CFAP298: variants seen among roughly 807,000 people sequenced by gnomAD.
The protein encoded by CFAP298 is cilia- and flagella-associated protein 298.
A neutral mutation model predicts 41.0 loss-of-function variants in CFAP298; 38 were observed. The ratio of observed to expected loss-of-function variants is 0.93; its 90% CI spans 0.72 to 1.22. The LOEUF is 1.22. Ranked by LOEUF, CFAP298 falls within the 50% of genes most tolerant of loss-of-function variation. The pLI is 0.00. For synonymous variants in CFAP298, 137 were observed against 135.3 expected (o/e 1.01, Z -0.09); for missense variants, 348 against 360.3 (o/e 0.97, Z 0.28).
In CFAP298 at chr21:32,602,356, TC is replaced by T; in HGVS notation, c.677del (p.Gly226GlufsTer17). 6.2e-7 allele frequency: 1 copy of T among 1,613,266 alleles called. No individual in the cohort carries two copies. The highest frequency in any genetic ancestry group is 8.5e-7 in the Non-Finnish European group (1 of 1,179,976). ...TAATAATAGGCTCTCGGGCTGGAGC[TC>T]CCTGTCCCCTCTGCAAAGAGGAGAG... is the stretch of plus-strand genomic sequence containing the variant. ...IIAKIQQRGQ[G>X]APAREPIISS... On this transcript the variant is annotated frameshift_variant, in exon 6 of 7. Transcript: ENST00000290155. LOFTEE classifies it high-confidence loss of function.
intron 5 of CFAP298, 140 bp from the exon 6 acceptor site, chr21:32,602,507 A>C: frequency 6.9e-7 from 1 of 1,445,148 alleles, no homozygotes; most frequent in Non-Finnish European, 9.1e-7. Flanking sequence ...ACCCGAAGTG[A>C]AGCATCAAGG....
chr21:32,600,634 T>TA lies in CFAP298; in HGVS notation c.*1228dup, dbSNP rs2038719819. ...TGCTAAAGTGCCAGGGTTTGCAGGATACTTGGATGGTTTACAGTGATGATG... is the reference window on the plus strand; with the variant it reads ...TGCTAAAGTGCCAGGGTTTGCAGGATAACTTGGATGGTTTACAGTGATGATG... On this transcript the variant is annotated 3_prime_UTR_variant, in exon 7 of 7. Coordinates refer to ENST00000290155, the MANE Select transcript of CFAP298 (RefSeq NM_021254.4). Among the ~76,000 whole-genome samples the TA allele has an allele frequency of 6.6e-6, 1 of 152,198 alleles. No individual in the cohort carries two copies. Among genetic ancestry groups the TA allele is most frequent in the Admixed American group, 6.5e-5 (1 of 15,282 alleles).
intron 2 of CFAP298, 21 bp from the exon 3 acceptor site, chr21:32,607,737 G>A: frequency 1.5e-5 from 21 of 1,436,268 alleles, no homozygotes; most frequent in Non-Finnish European, 2.0e-5. Context: ...AAAAAGGAGA[G>A]AGGGAGAAAG....
Position 32,610,003 on chromosome 21 carries a change from T to C in CFAP298, c.142A>G (p.Met48Val), listed in dbSNP as rs755093345. ...ATGCCATGTTCGGCTAATTCTTCCA[T>C]TTCTTAAAAATAAGTGAAAGACAGT... is the stretch of plus-strand genomic sequence containing the variant. ...RLKVQRLCSE[M>V]EELAEHGIFL... The change falls in exon 2 of 7, where the codon ATG (methionine) becomes GTG (valine). Residue 48 changes from methionine to valine, a missense_variant and splice_region_variant. Physicochemically the swap from Met to Val is conservative, Grantham distance 21 (BLOSUM62 1). Transcript: ENST00000290155. The C allele has an allele frequency of 1.6e-5, 25 of 1,612,466 alleles. No homozygotes were observed. The highest frequency in any genetic ancestry group is 1.6e-4 in the Middle Eastern group (1 of 6,080).
chr21:32,610,175 C>A (rs375421240), intron 1 of CFAP298, among the ~76,000 whole-genome samples, 170 bp from the exon 2 acceptor site: 1 of 152,284 alleles, frequency 6.6e-6, no homozygotes, highest in Non-Finnish European at 1.5e-5. Flanking sequence ...GACACGGGGG[C>A]ATGGTACTGG....
At chr21:32,607,229 C>T (rs1601158676) in intron 3 of CFAP298, among the ~76,000 whole-genome samples, 1 of 152,230 alleles carries the variant, frequency 6.6e-6, no homozygotes, top group Admixed American at 6.5e-5. Flanking sequence ...TTTCCTTTGC[C>T]TCCGGAAGGC....
chr21:32,603,368 A>AG (rs1228460801), intron 4 of CFAP298, 76 bp from the exon 5 acceptor site: 2 of 1,507,744 alleles, frequency 1.3e-6, no homozygotes, highest in Admixed American at 3.6e-5. Context: ...CCCTCCCAGC[A>AG]GGGGGCAGGG....
chr21:32,601,063 AGGGTT>A lies in CFAP298; in HGVS notation c.*795_*799del, dbSNP rs1439064527. On this transcript the variant is annotated 3_prime_UTR_variant, in exon 7 of 7. Transcript: ENST00000290155. ...GAAGGCTACAGTTAGACCCCGCAGC[AGGGTT>A]AAAGAAGGCTACAGTTAGACCCCGC... 7.3e-5 allele frequency among the ~76,000 whole-genome samples: 11 copies of A among 151,336 alleles called. No homozygotes were observed. Among genetic ancestry groups the A allele is most frequent in the East Asian group, 1.9e-4 (1 of 5,164 alleles).
At position 32,602,746 on chromosome 21, in the gene CFAP298, G is replaced by A. The variant is rs1007163578; in HGVS notation, c.667-379C>T. ...GTAGGAGCACCCACAAAACCAAGGCGGCCCCTCAGGTTACAGCGCTACACG... is the reference window on the plus strand; with the variant it reads ...GTAGGAGCACCCACAAAACCAAGGCAGCCCCTCAGGTTACAGCGCTACACG... On this transcript the variant is annotated intron_variant, in intron 5 of 6. Transcript: ENST00000290155. The A allele has an allele frequency of 8.1e-5, 101 of 1,252,068 alleles. No homozygotes were observed. The Admixed American group carries it at 1.0e-3, about 13-fold the overall frequency. The allele number at this position is 1,252,068 out of a possible 1,614,324, so 77.6% of individuals were successfully genotyped here.
rs755185617 is a variant in CFAP298, at chr21:32,609,896, G to C, written c.249C>G (p.Cys83Trp). The C allele has an allele frequency of 2.0e-5, 32 of 1,614,080 alleles. No homozygotes were observed. The highest frequency in any genetic ancestry group is 2.6e-5 in the Non-Finnish European group (31 of 1,179,954). Residue 83 changes from cysteine to tryptophan, a missense_variant, in exon 2 of 7, where the codon TGC becomes TGG. Coordinates refer to ENST00000290155, the MANE Select transcript of CFAP298 (RefSeq NM_021254.4). ...LKLKDEWGEK[C>W]VPSGGAVFKK... ...TAAACACTGCACCTCCGCTGGGTAC[G>C]CATTTTTCACCCCATTCATCCTTCA...
intron 3 of CFAP298, among the ~76,000 whole-genome samples, 198 bp downstream of exon 3, chr21:32,607,451 G>A (rs546042812): frequency 1.6e-4 from 25 of 151,884 alleles, no homozygotes; most frequent in Non-Finnish European, 3.4e-4. Context: ...AAATTAGCTC[G>A]GCATGGTGGT....
At position 32,599,440 on chromosome 21, in the gene CFAP298, A is replaced by C. The variant is rs1187937192; in HGVS notation, c.*2423T>G. On this transcript the variant is annotated 3_prime_UTR_variant, in exon 7 of 7. Coordinates refer to ENST00000290155, the MANE Select transcript of CFAP298 (RefSeq NM_021254.4). ...AAGACAAGTTATGTCAAAGGACAAA[A>C]CCACAGACCTAGATGGGCACCGTGC... 6.6e-6 allele frequency among the ~76,000 whole-genome samples: 1 copy of C among 152,164 alleles called. No homozygotes were observed. The highest frequency in any genetic ancestry group is 1.9e-4 in the East Asian group (1 of 5,194).
chr21:32,604,365 C>A, intron 3 of CFAP298, 82 bp from the exon 4 acceptor site: 2 of 1,434,264 alleles, frequency 1.4e-6, no homozygotes, highest in South Asian at 1.2e-5. Flanking sequence ...AAGACCCTTG[C>A]CAGATACTGC....
In CFAP298 at chr21:32,604,117, C is replaced by G. The variant is rs762093258; in HGVS notation, c.534+8G>C. 1.9e-6 allele frequency: 3 copies of G among 1,612,704 alleles called. No homozygotes were observed. The highest frequency in any genetic ancestry group is 2.5e-6 in the Non-Finnish European group (3 of 1,179,464). Reference sequence around the variant, plus strand: ...AACCTCCAGAGTACCCACTCACAAACTACGTACCTGTGTTCCCGACAAGTC... The same window carrying G: ...AACCTCCAGAGTACCCACTCACAAAGTACGTACCTGTGTTCCCGACAAGTC... On this transcript the variant is annotated splice_region_variant and intron_variant, in intron 4 of 6. Coordinates refer to ENST00000290155, the MANE Select transcript of CFAP298 (RefSeq NM_021254.4).
At chr21:32,610,057 T>C (rs544716497) in intron 1 of CFAP298, 52 bp from the exon 2 acceptor site, 1 of 1,503,712 alleles carries the variant, frequency 6.7e-7, no homozygotes, top group Non-Finnish European at 9.1e-7. Flanking sequence ...CATACCCCAT[T>C]GGAATGTAAG....
chr21:32,601,630 C>A lies in CFAP298; in HGVS notation c.*233G>T. ...AGTATTTTATCAAAGAAAACCATGA[C>A]ATACTAAATAGTCCTGAAACAAAAA... On this transcript the variant is annotated 3_prime_UTR_variant, in exon 7 of 7. Transcript: ENST00000290155. 1 of 408,226 alleles carries A rather than the reference C, an allele frequency of 2.4e-6. No individual in the cohort carries two copies. The allele number at this position is 408,226 out of a possible 1,614,324, so 25.3% of individuals were successfully genotyped here.
At position 32,607,653 on chromosome 21, in the gene CFAP298, G is replaced by C. The variant is rs749373260; in HGVS notation, c.371C>G (p.Ser124Cys). ...KTIEEAKAII[S>C]KKQVEAGVCV... ...GCATCATTTAAAAAAGCCAACCTTA[G>C]ATATTATTGCTTTGGCTTCTTCTAT... is the stretch of plus-strand genomic sequence containing the variant. The change falls in exon 3 of 7, where the codon TCT becomes TGT. Residue 124 changes from serine to cysteine, a missense_variant. By Grantham distance (112) the Ser-to-Cys change is moderately radical. Transcript: ENST00000290155. The C allele has an allele frequency of 6.5e-7, 1 of 1,538,104 alleles. No individual in the cohort carries two copies. The highest frequency in any genetic ancestry group is 1.8e-5 in the Admixed American group (1 of 55,102).
At position 32,601,926 on chromosome 21, in the gene CFAP298, C is replaced by A; in HGVS notation, c.810G>T (p.Ala270=). 6.2e-7 allele frequency: 1 copy of A among 1,613,170 alleles called. No homozygotes were observed. The highest frequency in any genetic ancestry group is 2.2e-5 in the East Asian group (1 of 44,878). Residue 270 remains alanine, a synonymous_variant, in exon 7 of 7, where the codon GCG becomes GCT. Transcript: ENST00000290155. ...AATGTCTTTTCAAAGCAGTGTTATC[C>A]GCCCATGGTGAGTTTAAATAGGCAT... ...DDDAYLNSPW[A]DNTALKRHFH...
intron 5 of CFAP298, chr21:32,602,730 C>T (rs763020638): frequency 8.0e-7 from 1 of 1,251,754 alleles, no homozygotes; most frequent in Non-Finnish European, 1.0e-6. Flanking sequence ...CGTAGGAGCA[C>T]CCACAAAACC....
Sources: gnomAD v4.1 joint callset for allele counts (sites outside exome capture counted in the v4.1 genomes callset) on GRCh38, gnomAD v4.1.1 for gene constraint, MANE v1.5 for transcripts, NCBI Gene and HGNC (gene_info 2026-07-23, HGNC 2026-07-21) for gene names.